Variants in FAAH2 observed in about 807,000 individuals in gnomAD.
The protein encoded by FAAH2 is fatty-acid amide hydrolase 2.
FAAH2 carries 60 observed loss-of-function variants against 36.9 expected under a neutral mutation model. The observed-to-expected ratio is 1.63, with a 90% CI of 1.32 to 2.02. The LOEUF is 2.02. Ranked by LOEUF, FAAH2 falls within the 30% of genes most tolerant of loss-of-function variation. The pLI is 0.00. For missense variants in FAAH2, 689 were observed against 397.5 expected, an observed-to-expected ratio of 1.73 and a Z score of -6.23; for synonymous variants, 214 against 143.8, an observed-to-expected ratio of 1.49 and a Z score of -3.49.
chrX:57,254,744 A>G, the FAAH2 span, among the ~76,000 whole-genome samples: 3 of 112,018 alleles, frequency 2.7e-5, no homozygotes, highest in African/African-American at 9.7e-5. Flanking sequence ...AAGACACAAC[A>G]TACCAGAATC....
chrX:57,270,329 A>G, the FAAH2 span, among the ~76,000 whole-genome samples: 23 of 111,853 alleles, frequency 2.1e-4, no homozygotes, highest in African/African-American at 7.1e-4. Context: ...ATTACTTTAA[A>G]AAATTGAGGA....
the FAAH2 span, among the ~76,000 whole-genome samples, chrX:57,207,809 C>A: frequency 2.1e-4 from 24 of 112,596 alleles, no homozygotes; most frequent in South Asian, 8.8e-3. Context: ...CGGGGATTCC[C>A]CAGGTGCAGA....
At chrX:57,357,188 A>G (rs955832595) in intron 5 of FAAH2, among the ~76,000 whole-genome samples, 1 of 76,304 alleles carries the variant, frequency 1.3e-5, no homozygotes, top group African/African-American at 3.4e-5. Flanking sequence ...TTAACTCAGG[A>G]TGGATTAAAG....
chrX:57,331,637 C>T lies in FAAH2; in HGVS notation c.452C>T (p.Ala151Val), dbSNP rs139066308. ...NSSGLMNRRD[A>V]IAKTDATVVA... ...TCTGGACTCATGAACCGTCGTGATG[C>T]CATTGCCAAAACAGATGCCACTGTG... The change falls in exon 4 of 11, where the codon GCC (alanine) becomes GTC (valine). Residue 151 changes from alanine (A) to valine (V), a missense_variant. Ala to Val is a moderately conservative substitution (Grantham distance 64, BLOSUM62 0). Coordinates refer to ENST00000374900, the MANE Select transcript of FAAH2 (RefSeq NM_174912.4). 1.8e-5 allele frequency: 22 copies of T among 1,209,675 alleles called. No individual in the cohort carries two copies. Among genetic ancestry groups the T allele is most frequent in the Non-Finnish European group, 2.2e-5 (20 of 895,009 alleles).
intron 6 of FAAH2, 71 bp downstream of exon 6, chrX:57,378,857 A>G (rs1309534893): frequency 1.8e-6 from 2 of 1,111,313 alleles, no homozygotes; most frequent in Non-Finnish European, 1.2e-6. Flanking sequence ...TATTAGTGTC[A>G]TAGAGGTAGA....
chrX:57,202,043 A>T, the FAAH2 span, among the ~76,000 whole-genome samples: 1 of 104,692 alleles, frequency 9.6e-6, no homozygotes, highest in Admixed American at 1.0e-4. Context: ...TTACTTCCCT[A>T]TATTATCCTG....
At chrX:57,317,020 A>G (rs1403237371) in intron 3 of FAAH2, among the ~76,000 whole-genome samples, 3 of 112,121 alleles carry the variant, frequency 2.7e-5, no homozygotes, top group South Asian at 7.3e-4. Flanking sequence ...AGAATCTATA[A>G]GGAACTTAAG....
chrX:57,449,398 C>T (rs1177228314), intron 10 of FAAH2, among the ~76,000 whole-genome samples: 1 of 111,981 alleles, frequency 8.9e-6, no homozygotes, highest in Non-Finnish European at 1.9e-5. Context: ...ATCCTTTGCT[C>T]TGCAATTTTC....
At chrX:57,324,612 G>T (rs958254961) in intron 3 of FAAH2, among the ~76,000 whole-genome samples, 1 of 111,698 alleles carries the variant, frequency 9.0e-6, no homozygotes, top group African/African-American at 3.3e-5. Context: ...ATTGTGAATG[G>T]GAGTTCACTC....
intron 4 of FAAH2, 36 bp downstream of exon 4, chrX:57,331,843 T>C (rs2053417530): frequency 9.0e-7 from 1 of 1,114,983 alleles, no homozygotes; most frequent in Non-Finnish European, 1.2e-6. Context: ...TGAATAGCTA[T>C]GCTAACAATA....
chrX:57,128,260 CTT>C, the FAAH2 span, among the ~76,000 whole-genome samples: 1 of 111,726 alleles, frequency 9.0e-6, no homozygotes, highest in Non-Finnish European at 1.9e-5. Context: ...AGAAGACTCT[CTT>C]TTATTTAAGA....
At chrX:57,463,767 G>T (rs1485239186) in intron 10 of FAAH2, among the ~76,000 whole-genome samples, 1 of 111,862 alleles carries the variant, frequency 8.9e-6, no homozygotes, top group African/African-American at 3.2e-5. Flanking sequence ...TTGCTGGTCA[G>T]GATGTGGAGA....
intron 3 of FAAH2, among the ~76,000 whole-genome samples, chrX:57,328,417 T>G (rs1266348778): frequency 9.0e-6 from 1 of 111,694 alleles, no homozygotes; most frequent in Non-Finnish European, 1.9e-5. Context: ...GTTGATTGTG[T>G]TTTTTTTCTA....
intron 7 of FAAH2, among the ~76,000 whole-genome samples, chrX:57,400,391 G>A (rs773259035): frequency 4.9e-4 from 55 of 112,048 alleles, no homozygotes; most frequent in Non-Finnish European, 9.4e-4. Context: ...CTGGCCCCTC[G>A]GACCTGTGTA....
intron 8 of FAAH2, among the ~76,000 whole-genome samples, chrX:57,435,494 T>C (rs146847109): frequency 1.7e-4 from 19 of 110,101 alleles, no homozygotes; most frequent in Admixed American, 2.9e-4. Flanking sequence ...GAGAAAAGGG[T>C]TGAAAAAAGA....
At chrX:57,257,382 T>C in the FAAH2 span, among the ~76,000 whole-genome samples, 1 of 111,834 alleles carries the variant, frequency 8.9e-6, no homozygotes, top group African/African-American at 3.3e-5. Context: ...GATTTGTTCA[T>C]GTCCTTTGCA....
the FAAH2 span, among the ~76,000 whole-genome samples, chrX:57,148,929 G>A: frequency 9.0e-6 from 1 of 111,612 alleles, no homozygotes; most frequent in African/African-American, 3.3e-5. Context: ...TTTGAGATAT[G>A]TCCCGTCATA....
chrX:57,366,981 G>A (rs2054433923), intron 5 of FAAH2, among the ~76,000 whole-genome samples: 3 of 112,292 alleles, frequency 2.7e-5, no homozygotes, highest in Non-Finnish European at 5.6e-5. Flanking sequence ...ACTCCATACA[G>A]GCTGGAGTTC....
intron 7 of FAAH2, among the ~76,000 whole-genome samples, chrX:57,384,061 C>A (rs1199341609): frequency 2.7e-5 from 3 of 111,749 alleles, no homozygotes; most frequent in African/African-American, 9.7e-5. Flanking sequence ...CTGACAAAAA[C>A]AAGAAATGGG....
Sources: gnomAD v4.1 joint callset for allele counts (sites outside exome capture counted in the v4.1 genomes callset) on GRCh38, gnomAD v4.1.1 for gene constraint, MANE v1.5 for transcripts, NCBI Gene and HGNC (gene_info 2026-07-23, HGNC 2026-07-21) for gene names.